Variants in SYNDIG1 observed in about 807,000 individuals in gnomAD.
SYNDIG1 encodes synapse differentiation-inducing gene protein 1.
SYNDIG1 carries 9 observed loss-of-function variants against 19.4 expected under a neutral mutation model. That is an observed-to-expected ratio of 0.46 (90% CI 0.28 to 0.81). The LOEUF (loss-of-function observed/expected upper bound fraction) is 0.81, where lower values mean the gene tolerates loss of function less well. Ranked by LOEUF, SYNDIG1 falls within the 30% of genes least tolerant of loss-of-function variation. The pLI is 0.12. For synonymous variants in SYNDIG1, 141 were observed against 145.9 expected, an observed-to-expected ratio of 0.97 and a Z score of 0.24; for missense variants, 311 against 343.3, an observed-to-expected ratio of 0.91 and a Z score of 0.74.
intron 3 of SYNDIG1, among the ~76,000 whole-genome samples, chr20:24,589,027 T>C (rs1317811234): frequency 6.6e-6 from 1 of 152,130 alleles, no homozygotes; most frequent in African/African-American, 2.4e-5. Flanking sequence ...CCAACAATGT[T>C]CCATCCAGCC....
rs138243771 is a variant in SYNDIG1, at chr20:24,552,824, C to T, written c.480+9247C>T. ...ACTTATAATCCTTTGGGTATATACCCGGTAATGGGATGGCTGGGTCAAATG... is the reference window on the plus strand; with the variant it reads ...ACTTATAATCCTTTGGGTATATACCTGGTAATGGGATGGCTGGGTCAAATG... On this transcript the variant is annotated intron_variant, in intron 2 of 3. Coordinates refer to ENST00000376862, the MANE Select transcript of SYNDIG1 (RefSeq NM_024893.3). 7.1e-3 allele frequency among the ~76,000 whole-genome samples: 1,088 copies of T among 152,256 alleles called. 15 individuals are homozygous for T. The highest frequency in any genetic ancestry group is 0.024 in the African/African-American group (1,003 of 41,532).
intron 2 of SYNDIG1, among the ~76,000 whole-genome samples, chr20:24,581,829 G>A (rs1425933495): frequency 5.9e-5 from 8 of 135,038 alleles, no homozygotes; most frequent in African/African-American, 1.1e-4. Flanking sequence ...CCCACTGCAC[G>A]TCCTCACCCC....
chr20:24,633,115 G>A (rs576640143), intron 3 of SYNDIG1, among the ~76,000 whole-genome samples: 2 of 152,232 alleles, frequency 1.3e-5, no homozygotes, highest in South Asian at 2.1e-4. Flanking sequence ...TGAACATGAC[G>A]TGGCTTGCTG....
At chr20:24,642,707 T>C (rs560031820) in intron 3 of SYNDIG1, among the ~76,000 whole-genome samples, 1 of 152,282 alleles carries the variant, frequency 6.6e-6, no homozygotes, top group East Asian at 1.9e-4. Context: ...CCTTTTGTTT[T>C]TTGAAGCACT....
At chr20:24,631,600 T>C (rs902261979) in intron 3 of SYNDIG1, among the ~76,000 whole-genome samples, 1 of 152,208 alleles carries the variant, frequency 6.6e-6, no homozygotes, top group African/African-American at 2.4e-5. Context: ...AGGGCTACCC[T>C]GGGAAGGACT....
intron 3 of SYNDIG1, 31 bp from the exon 4 acceptor site, chr20:24,665,315 A>G: frequency 8.9e-6 from 14 of 1,577,530 alleles, no homozygotes; most frequent in East Asian, 2.3e-5. Context: ...CTTGCTTACA[A>G]TGACTTCCTT....
intron 3 of SYNDIG1, among the ~76,000 whole-genome samples, chr20:24,589,010 A>G (rs2058463964): frequency 6.6e-6 from 1 of 152,066 alleles, no homozygotes; most frequent in Non-Finnish European, 1.5e-5. Flanking sequence ...CTACAACTTC[A>G]TTTTGCCCAA....
chr20:24,571,890 CCTT>C (rs2058150608), intron 2 of SYNDIG1, among the ~76,000 whole-genome samples: 1 of 152,184 alleles, frequency 6.6e-6, no homozygotes, highest in African/African-American at 2.4e-5. Context: ...TATCTGAGCT[CCTT>C]CTTCAAGAGA....
intron 3 of SYNDIG1, among the ~76,000 whole-genome samples, chr20:24,639,929 C>G (rs1236158831): frequency 6.6e-6 from 1 of 152,186 alleles, no homozygotes; most frequent in Non-Finnish European, 1.5e-5. Context: ...TTTAACTATT[C>G]ACAAATAAAT....
chr20:24,568,819 G>A (rs576694023), intron 2 of SYNDIG1, among the ~76,000 whole-genome samples: 3 of 152,312 alleles, frequency 2.0e-5, no homozygotes, highest in South Asian at 4.1e-4. Context: ...GTCCTCTTTT[G>A]GAAGATTCAC....
intron 2 of SYNDIG1, among the ~76,000 whole-genome samples, chr20:24,568,641 C>T (rs534064695): frequency 9.2e-5 from 14 of 152,294 alleles, no homozygotes; most frequent in South Asian, 2.1e-4. Context: ...TGATCACCTC[C>T]GTGGATCTGT....
intron 1 of SYNDIG1, among the ~76,000 whole-genome samples, chr20:24,512,556 TGA>T (rs2056771692): frequency 6.6e-6 from 1 of 151,920 alleles, no homozygotes; most frequent in African/African-American, 2.4e-5. Context: ...CACAGTAGTC[TGA>T]GATCAAACTG....
chr20:24,589,701 A>G (rs1600696845), intron 3 of SYNDIG1, among the ~76,000 whole-genome samples: 1 of 152,210 alleles, frequency 6.6e-6, no homozygotes, highest in Non-Finnish European at 1.5e-5. Context: ...ATCTAATTTC[A>G]TTTCATAAAA....
chr20:24,568,726 T>A (rs1403645511), intron 2 of SYNDIG1, among the ~76,000 whole-genome samples: 4 of 152,220 alleles, frequency 2.6e-5, no homozygotes, highest in Non-Finnish European at 5.9e-5. Flanking sequence ...AAATGTGCTA[T>A]CTGAGCTCAA....
intron 3 of SYNDIG1, among the ~76,000 whole-genome samples, chr20:24,618,236 G>A (rs2058978103): frequency 6.7e-6 from 1 of 149,836 alleles, no homozygotes; most frequent in Non-Finnish European, 1.5e-5. Context: ...AGAGCCCGGG[G>A]AGAGGGGAGA....
chr20:24,630,837 G>A (rs1600795218), intron 3 of SYNDIG1, among the ~76,000 whole-genome samples: 1 of 152,346 alleles, frequency 6.6e-6, no homozygotes, highest in East Asian at 1.9e-4. Context: ...TAGAGGGAAG[G>A]TGACTCTGAA....
At chr20:24,588,497 A>C (rs1001267118) in intron 3 of SYNDIG1, among the ~76,000 whole-genome samples, 1 of 152,196 alleles carries the variant, frequency 6.6e-6, no homozygotes, top group Non-Finnish European at 1.5e-5. Context: ...CTAGAAATGC[A>C]CACTGTCTGG....
At chr20:24,601,993 T>A (rs931624608) in intron 3 of SYNDIG1, among the ~76,000 whole-genome samples, 1 of 152,188 alleles carries the variant, frequency 6.6e-6, no homozygotes, top group Non-Finnish European at 1.5e-5. Flanking sequence ...TATTGTTTTT[T>A]TTTTTTATTT....
rs146977655 is a variant in SYNDIG1, at chr20:24,484,355, C to T, written c.-79+14602C>T. 8.3e-4 allele frequency among the ~76,000 whole-genome samples: 126 copies of T among 152,260 alleles called. 1 individual carries two copies. Among genetic ancestry groups the T allele is most frequent in the Middle Eastern group, 3.4e-3 (1 of 294 alleles). On this transcript the variant is annotated intron_variant, in intron 1 of 3. Transcript: ENST00000376862. ...GCTGCACGTGGTCTCCCCACATGAA[C>T]GATATTGGCCTTTCTCACAGCATGG...
Sources: gnomAD v4.1 joint callset for allele counts (sites outside exome capture counted in the v4.1 genomes callset) on GRCh38, gnomAD v4.1.1 for gene constraint, MANE v1.5 for transcripts, NCBI Gene and HGNC (gene_info 2026-07-23, HGNC 2026-07-21) for gene names.